Variants in GRHL2 observed in about 807,000 individuals in gnomAD.
The protein encoded by GRHL2 is grainyhead-like protein 2 homolog.
A neutral mutation model predicts 83.8 loss-of-function variants in GRHL2; 21 were observed. That is an observed-to-expected ratio of 0.25 (90% CI 0.18 to 0.36). The LOEUF is 0.36. GRHL2 is among the 10% of genes least tolerant of loss of function. GRHL2 has a pLI of 1.00. For synonymous variants in GRHL2, 280 were observed against 278.9 expected (o/e 1.00, Z -0.04); for missense variants, 623 against 781.8 (o/e 0.80, Z 2.42).
At chr8:101,652,317 T>C (rs1267850836) in intron 14 of GRHL2, among the ~76,000 whole-genome samples, 12 of 139,828 alleles carry the variant, frequency 8.6e-5, no homozygotes, top group Admixed American at 3.6e-4. Flanking sequence ...GTAGTGTGTG[T>C]GCGTGTGTGT....
intron 7 of GRHL2, among the ~76,000 whole-genome samples, chr8:101,597,887 G>A (rs540850423): frequency 5.6e-4 from 85 of 151,916 alleles, no homozygotes; most frequent in African/African-American, 2.0e-3. Context: ...GGTTAGATCC[G>A]AAAAGGTCTG....
rs1407653164 is a variant in GRHL2 at position 101,644,121 on chromosome 8, T to A, written c.1518-10T>A. 6.2e-7 allele frequency: 1 copy of A among 1,612,812 alleles called. No homozygotes were observed. The highest frequency in any genetic ancestry group is 1.1e-5 in the South Asian group (1 of 91,050). ...GGTTTTACTTAAGGATTTCTGCTTA[T>A]CTTTTCTAGTGGCAGTGTCCTTGTT... On this transcript the variant is annotated splice_polypyrimidine_tract_variant and intron_variant, in intron 12 of 15. Coordinates refer to ENST00000646743, the MANE Select transcript of GRHL2 (RefSeq NM_024915.4).
At chr8:101,518,089 C>A (rs35660738) in intron 1 of GRHL2, among the ~76,000 whole-genome samples, 25,823 of 152,118 alleles carry the variant, frequency 0.17, 2,619 homozygotes, top group Non-Finnish European at 0.23. Flanking sequence ...AGACTTCGTC[C>A]ACAGTATAGC....
intron 1 of GRHL2, among the ~76,000 whole-genome samples, chr8:101,500,122 A>C (rs1228313006): frequency 5.9e-5 from 9 of 152,126 alleles, no homozygotes; most frequent in African/African-American, 2.2e-4. Context: ...ACAAACAAAC[A>C]AAAAACAACA....
intron 1 of GRHL2, among the ~76,000 whole-genome samples, chr8:101,499,254 T>A (rs1437297976): frequency 6.6e-6 from 1 of 152,256 alleles, no homozygotes. Flanking sequence ...TTCAGGCAAC[T>A]GCCTCAGTTC....
chr8:101,602,104 C>A (rs1812528359), intron 8 of GRHL2, among the ~76,000 whole-genome samples: 1 of 152,160 alleles, frequency 6.6e-6, no homozygotes, highest in Non-Finnish European at 1.5e-5. Flanking sequence ...GTGTTAGTTA[C>A]TGAAGAGCTT....
intron 14 of GRHL2, among the ~76,000 whole-genome samples, chr8:101,663,513 G>A (rs1813969878): frequency 6.6e-6 from 1 of 152,022 alleles, no homozygotes; most frequent in African/African-American, 2.4e-5. Context: ...TCAGGAGGCT[G>A]AGGCAGGAGA....
chr8:101,502,019 C>T (rs988782000), intron 1 of GRHL2, among the ~76,000 whole-genome samples: 5 of 90,772 alleles, frequency 5.5e-5, no homozygotes, highest in African/African-American at 2.4e-4. Context: ...TTTCTTCCCA[C>T]ACTCACCCCA....
At chr8:101,530,838 T>C (rs548173429) in intron 1 of GRHL2, among the ~76,000 whole-genome samples, 84 of 152,340 alleles carry the variant, frequency 5.5e-4, no homozygotes, top group Middle Eastern at 3.4e-3. Context: ...GTCTTTTGTA[T>C]CCTGTCTGTT....
the GRHL2 span, among the ~76,000 whole-genome samples, chr8:101,676,610 G>A: frequency 2.6e-5 from 4 of 152,162 alleles, no homozygotes; most frequent in African/African-American, 9.7e-5. Context: ...TACACTGTTT[G>A]TGGGACTGTA....
At chr8:101,545,215 T>G (rs1295992364) in intron 2 of GRHL2, among the ~76,000 whole-genome samples, 1 of 152,044 alleles carries the variant, frequency 6.6e-6, no homozygotes, top group Admixed American at 6.6e-5. Context: ...TTTCTATTGG[T>G]CTAGGCTTTC....
At chr8:101,538,453 C>T (rs1405598361) in intron 1 of GRHL2, among the ~76,000 whole-genome samples, 1 of 152,172 alleles carries the variant, frequency 6.6e-6, no homozygotes, top group Non-Finnish European at 1.5e-5. Context: ...AAAAAGTTGT[C>T]TGTGTGACAT....
chr8:101,502,008 T>C (rs1333085220), intron 1 of GRHL2, among the ~76,000 whole-genome samples: 1 of 134,176 alleles, frequency 7.5e-6, no homozygotes, highest in East Asian at 2.1e-4. Flanking sequence ...TAAAATTGAC[T>C]TTTCTTCCCA....
intron 1 of GRHL2, among the ~76,000 whole-genome samples, chr8:101,494,598 T>C (rs891667306): frequency 1.3e-5 from 2 of 152,222 alleles, no homozygotes; most frequent in Admixed American, 6.5e-5. Flanking sequence ...GGGTTTGTTT[T>C]GATCTTTGCC....
intron 8 of GRHL2, among the ~76,000 whole-genome samples, chr8:101,601,211 ACCAC>A (rs1563601552): frequency 2.3e-4 from 35 of 151,738 alleles, no homozygotes; most frequent in Non-Finnish European, 4.3e-4. Context: ...CACCACCACC[ACCAC>A]CAACAACAAC....
chr8:101,671,167 T>A (rs1203061562), downstream of GRHL2, among the ~76,000 whole-genome samples: 1 of 152,126 alleles, frequency 6.6e-6, no homozygotes, highest in Non-Finnish European at 1.5e-5. Context: ...TGCCAGACAG[T>A]GGGTGCAGGA....
intron 1 of GRHL2, among the ~76,000 whole-genome samples, chr8:101,534,101 A>G (rs1181894296): frequency 6.6e-6 from 1 of 152,218 alleles, no homozygotes; most frequent in Non-Finnish European, 1.5e-5. Context: ...GAAACCTATT[A>G]GGAAACTGTA....
chr8:101,510,184 A>G (rs964866134), intron 1 of GRHL2, among the ~76,000 whole-genome samples: 2 of 151,966 alleles, frequency 1.3e-5, no homozygotes, highest in East Asian at 3.9e-4. Flanking sequence ...TTTTGTAGAG[A>G]TGGTGTTTCA....
At chr8:101,524,989 C>A (rs1351384145) in intron 1 of GRHL2, among the ~76,000 whole-genome samples, 2 of 151,824 alleles carry the variant, frequency 1.3e-5, no homozygotes, top group Admixed American at 6.6e-5. Context: ...GTTGCCCAGG[C>A]TGGAGTGCAA....
Sources: gnomAD v4.1 joint callset for allele counts (sites outside exome capture counted in the v4.1 genomes callset) on GRCh38, gnomAD v4.1.1 for gene constraint, MANE v1.5 for transcripts, NCBI Gene and HGNC (gene_info 2026-07-23, HGNC 2026-07-21) for gene names.